The following CASD1 variants were observed in gnomAD, a reference collection of about 807,000 sequenced individuals.
The protein encoded by CASD1 is N-acetylneuraminate (7)9-O-acetyltransferase.
Under a neutral mutation model 100.0 loss-of-function variants are expected in CASD1, and 41 were observed. The ratio of observed to expected loss-of-function variants is 0.41; its 90% confidence interval spans 0.32 to 0.53. The LOEUF is 0.53. CASD1 is among the 20% of genes least tolerant of loss of function. The pLI is 0.25. For synonymous variants in CASD1, 321 were observed against 315.6 expected (o/e 1.02, Z -0.18); for missense variants, 774 against 948.7 (o/e 0.82, Z 2.42).
chr7:94,623,048 A>G, the CASD1 span, among the ~76,000 whole-genome samples: 1 of 152,188 alleles, frequency 6.6e-6, no homozygotes, highest in African/African-American at 2.4e-5. Context: ...TATAAGAGAA[A>G]TGCTACTGTT....
At chr7:94,530,886 A>C (rs13240748) in intron 5 of CASD1, among the ~76,000 whole-genome samples, 1 of 152,142 alleles carries the variant, frequency 6.6e-6, no homozygotes, top group Non-Finnish European at 1.5e-5. Context: ...GTAAAATCAC[A>C]TACAGGGGAG....
intron 13 of CASD1, among the ~76,000 whole-genome samples, chr7:94,547,653 A>ATT (rs150377945): frequency 1.7e-4 from 26 of 148,754 alleles, no homozygotes; most frequent in African/African-American, 6.4e-4. Flanking sequence ...ACTTTTGGTC[A>ATT]TTTTTTTTTT....
In CASD1 at chr7:94,521,852, G is replaced by A. The variant is rs185099029; in HGVS notation, c.351+3529G>A. Among the ~76,000 whole-genome samples, 34 of 152,280 alleles carry A rather than the reference G, an allele frequency of 2.2e-4. No individual in the cohort carries two copies. In the East Asian group the frequency reaches 3.9e-3, roughly 17 times the overall value. Reference sequence around the variant, plus strand: ...TGTAATCCCAGCACTTTGGGAGGCCGAAGCGGGTGGATCACAAGGTCAGGA... The same window carrying A: ...TGTAATCCCAGCACTTTGGGAGGCCAAAGCGGGTGGATCACAAGGTCAGGA... On this transcript the variant is annotated intron_variant, in intron 3 of 17. Coordinates refer to ENST00000297273, the MANE Select transcript of CASD1 (RefSeq NM_022900.5).
intron 10 of CASD1, among the ~76,000 whole-genome samples, chr7:94,543,646 CTG>C (rs1300369279): frequency 8.5e-6 from 1 of 117,210 alleles, no homozygotes; most frequent in East Asian, 3.0e-4. Context: ...CAGAGTGAGA[CTG>C]TCTCCAAAAA....
At chr7:94,528,464 A>G (rs974957215) in intron 5 of CASD1, among the ~76,000 whole-genome samples, 3 of 152,126 alleles carry the variant, frequency 2.0e-5, no homozygotes, top group Non-Finnish European at 4.4e-5. Flanking sequence ...CATTCTAACC[A>G]TAAAGCAGAT....
chr7:94,632,847 T>C, the CASD1 span, among the ~76,000 whole-genome samples: 1 of 152,058 alleles, frequency 6.6e-6, no homozygotes, highest in Admixed American at 6.6e-5. Context: ...GTTCTTGTTC[T>C]AAACGTGAGC....
downstream of CASD1, among the ~76,000 whole-genome samples, chr7:94,558,409 G>A (rs1796278139): frequency 6.6e-6 from 1 of 152,148 alleles, no homozygotes; most frequent in Non-Finnish European, 1.5e-5. Flanking sequence ...AGATTAGGTA[G>A]TATTGTACTT....
chr7:94,614,503 A>G, the CASD1 span, among the ~76,000 whole-genome samples: 7 of 152,178 alleles, frequency 4.6e-5, no homozygotes, highest in Non-Finnish European at 4.4e-5. Flanking sequence ...CTCTTTCTCC[A>G]TTTCCACACT....
intron 8 of CASD1, among the ~76,000 whole-genome samples, chr7:94,537,239 A>G (rs1191379493): frequency 6.6e-6 from 1 of 152,174 alleles, no homozygotes; most frequent in African/African-American, 2.4e-5. Flanking sequence ...CTTGGGTCAC[A>G]TTATAAAATG....
the CASD1 span, chr7:94,628,409 G>A: frequency 1.4e-6 from 2 of 1,470,858 alleles, no homozygotes; most frequent in Non-Finnish European, 1.9e-6. Context: ...TTTCACACAT[G>A]TTGCTTTGGT....
Position 94,514,272 on chromosome 7 carries a change from A to C in CASD1, c.134-3288A>C, listed in dbSNP as rs566894589. On this transcript the variant is annotated intron_variant, in intron 1 of 17. Transcript: ENST00000297273. ...TTTTCTTTCTTTGACTGTTAGAAAG[A>C]TCCTGATCTTTATGATACCTCTTGT... Among the ~76,000 whole-genome samples, 5 of 152,208 alleles carry C rather than the reference A, an allele frequency of 3.3e-5. No individual in the cohort carries two copies. In the South Asian group the frequency reaches 1.0e-3, roughly 32 times the overall value.
chr7:94,544,705 T>C (rs1795592179), intron 11 of CASD1, among the ~76,000 whole-genome samples, 175 bp downstream of exon 11: 1 of 152,084 alleles, frequency 6.6e-6, no homozygotes, highest in Admixed American at 6.6e-5. Context: ...AGATAAATTA[T>C]TAGTGAAAGA....
chr7:94,587,466 C>T, the CASD1 span: 14 of 1,234,920 alleles, frequency 1.1e-5, no homozygotes, highest in Non-Finnish European at 1.2e-5. Context: ...AGGTTAATAA[C>T]GAAGAAGTTC....
chr7:94,518,014 CTATTACAGAGAGT>C (rs1184072689), intron 2 of CASD1, among the ~76,000 whole-genome samples, 176 bp from the exon 3 acceptor site: 23 of 152,250 alleles, frequency 1.5e-4, no homozygotes, highest in Admixed American at 1.4e-3. Flanking sequence ...ATGTATCGAG[CTATTACAGAGAGT>C]TAACTGATTA....
At chr7:94,633,173 A>G in the CASD1 span, among the ~76,000 whole-genome samples, 2 of 151,988 alleles carry the variant, frequency 1.3e-5, no homozygotes, top group South Asian at 2.1e-4. Flanking sequence ...CTCTGCAAAC[A>G]TACGCCACTA....
chr7:94,559,395 A>G (rs574677465), downstream of CASD1, among the ~76,000 whole-genome samples: 12 of 151,916 alleles, frequency 7.9e-5, 1 homozygote, highest in East Asian at 1.7e-3. Flanking sequence ...AAAAGTAACC[A>G]TTATGAACAA....
the CASD1 span, among the ~76,000 whole-genome samples, chr7:94,564,942 C>T: frequency 6.6e-6 from 1 of 152,082 alleles, no homozygotes; most frequent in Non-Finnish European, 1.5e-5. Context: ...CAGATCTGAA[C>T]ATAGTCTCAG....
At chr7:94,588,224 G>T in the CASD1 span, 3 of 1,052,658 alleles carry the variant, frequency 2.8e-6, 1 homozygote, top group South Asian at 1.1e-4. Context: ...TGTTATAACA[G>T]CTTTTTAAAG....
chr7:94,542,535 G>C (rs995862069), intron 10 of CASD1, among the ~76,000 whole-genome samples: 5 of 152,090 alleles, frequency 3.3e-5, no homozygotes, highest in African/African-American at 1.2e-4. Context: ...AAATGCTCTG[G>C]TAACCTCATT....
Sources: allele counts gnomAD v4.1 joint callset (sites outside exome capture counted in the v4.1 genomes callset), GRCh38; gene constraint gnomAD v4.1.1; transcripts MANE v1.5; gene names NCBI Gene and HGNC (gene_info 2026-07-23, HGNC 2026-07-21).